The following PTPN21 variants were observed in gnomAD, a reference collection of about 807,000 sequenced individuals.
PTPN21 encodes protein tyrosine phosphatase non-receptor type 21, also known as tyrosine-protein phosphatase non-receptor type 21.
A neutral mutation model predicts 131.8 loss-of-function variants in PTPN21; 77 were observed. That is an observed-to-expected ratio of 0.58 (90% CI 0.49 to 0.71). The LOEUF is 0.71. Among genes scored for constraint, PTPN21 ranks in the 30% least tolerant of loss-of-function variants. The pLI is 0.00. For missense variants in PTPN21, 1,552 were observed against 1,527.1 expected (o/e 1.02, Z -0.27); for synonymous variants, 715 against 621.3 (o/e 1.15, Z -2.24).
chr14:88,482,221 G>A (rs1210819131), intron 12 of PTPN21, among the ~76,000 whole-genome samples: 1 of 152,214 alleles, frequency 6.6e-6, no homozygotes, highest in Non-Finnish European at 1.5e-5. Flanking sequence ...GCAAGCTGGG[G>A]TGGCTAGAGT....
At chr14:88,508,133 C>T in intron 3 of PTPN21, 113 bp from the exon 4 acceptor site, 1 of 546,744 alleles carries the variant, frequency 1.8e-6, no homozygotes, top group African/African-American at 2.0e-5. Flanking sequence ...AAACCTTAAT[C>T]CCACATGGTT....
intron 12 of PTPN21, among the ~76,000 whole-genome samples, chr14:88,482,455 T>A (rs2077665411): frequency 6.6e-6 from 1 of 151,926 alleles, no homozygotes; most frequent in Admixed American, 6.6e-5. Context: ...AGAGACCCCA[T>A]CTCTACTAAA....
In PTPN21 at chr14:88,479,185, A is replaced by C. The variant is rs2077595538; in HGVS notation, c.2246T>G (p.Val749Gly). The C allele has an allele frequency of 6.4e-7, 1 of 1,565,384 alleles. No homozygotes were observed. The highest frequency in any genetic ancestry group is 1.9e-5 in the Admixed American group (1 of 52,672). ...GATGTGCAGGGGCCCGGCGAGCAGGACGCGAGGGCAGCCAGGTGGGTCCTG... is the reference window on the plus strand; with the variant it reads ...GATGTGCAGGGGCCCGGCGAGCAGGCCGCGAGGGCAGCCAGGTGGGTCCTG... ...LAQDPPGCPR[V>G]LLAGPLHILE... Residue 749 changes from valine (V) to glycine (G), a missense_variant, in exon 13 of 19, where the codon GTC (valine) becomes GGC (glycine). This residue lies in a region of PTPN21 where 1,016 missense variants were observed against 883.5 expected (regional missense o/e 1.15). Transcript: ENST00000556564.
intron 1 of PTPN21, 72 bp from the exon 2 acceptor site, chr14:88,550,691 C>T: frequency 3.2e-6 from 1 of 316,968 alleles, no homozygotes. Context: ...AAAAGCCAGT[C>T]AAGCTGTGGC....
chr14:88,509,745 A>T (rs985637878), intron 3 of PTPN21, among the ~76,000 whole-genome samples: 3 of 152,126 alleles, frequency 2.0e-5, no homozygotes, highest in Non-Finnish European at 4.4e-5. Context: ...AATCAAAAAC[A>T]CTAGAAAGGG....
At chr14:88,518,873 T>A (rs1230867320) in intron 2 of PTPN21, among the ~76,000 whole-genome samples, 1 of 152,114 alleles carries the variant, frequency 6.6e-6, no homozygotes, top group Non-Finnish European at 1.5e-5. Flanking sequence ...TTTCTAGTAT[T>A]CAGATGCAAT....
chr14:88,490,958 A>T (rs971557134), intron 10 of PTPN21, among the ~76,000 whole-genome samples: 2 of 152,156 alleles, frequency 1.3e-5, no homozygotes, highest in African/African-American at 4.8e-5. Flanking sequence ...CCTTATATAA[A>T]TCAGGGAGGG....
chr14:88,486,619 C>T (rs559335930), intron 10 of PTPN21, among the ~76,000 whole-genome samples: 18 of 152,226 alleles, frequency 1.2e-4, no homozygotes, highest in African/African-American at 4.1e-4. Context: ...TTCAGTGAGC[C>T]GATGGTAAAC....
chr14:88,483,760 T>C (rs2077688899), intron 12 of PTPN21, among the ~76,000 whole-genome samples: 1 of 152,182 alleles, frequency 6.6e-6, no homozygotes, highest in Non-Finnish European at 1.5e-5. Context: ...AAAGTTCTTC[T>C]CAATCTCCCC....
rs373252467 is a variant in PTPN21, at chr14:88,479,180, G to A, written c.2251C>T (p.Leu751Phe). ...TCCAGGATGTGCAGGGGCCCGGCGAGCAGGACGCGAGGGCAGCCAGGTGGG... is the reference window on the plus strand; with the variant it reads ...TCCAGGATGTGCAGGGGCCCGGCGAACAGGACGCGAGGGCAGCCAGGTGGG... ...QDPPGCPRVL[L>F]AGPLHILEPK... Residue 751 changes from leucine (L) to phenylalanine (F), a missense_variant, in exon 13 of 19, where the codon CTC becomes TTC. This residue lies in a region of PTPN21 where 1,016 missense variants were observed against 883.5 expected (regional missense o/e 1.15). Transcript: ENST00000556564. 8 of 1,556,536 alleles carry A rather than the reference G, an allele frequency of 5.1e-6. No individual in the cohort carries two copies. Among genetic ancestry groups the A allele is most frequent in the African/African-American group, 4.1e-5 (3 of 72,538 alleles).
At chr14:88,502,907 T>C (rs1194508389) in intron 6 of PTPN21, among the ~76,000 whole-genome samples, 1 of 152,114 alleles carries the variant, frequency 6.6e-6, no homozygotes, top group Admixed American at 6.5e-5. Flanking sequence ...GATTAATCTT[T>C]TGTGAGTCAC....
chr14:88,520,985 G>A, intron 2 of PTPN21, among the ~76,000 whole-genome samples: 1 of 151,954 alleles, frequency 6.6e-6, no homozygotes, highest in South Asian at 2.1e-4. Context: ...CTAGACAACA[G>A]GTGCATGCCA....
Position 88,479,454 on chromosome 14 carries a change from C to T in PTPN21, c.1977G>A (p.Ala659=), listed in dbSNP as rs1427670523. 8 of 1,602,422 alleles carry T rather than the reference C, an allele frequency of 5.0e-6. No homozygotes were observed. The highest frequency in any genetic ancestry group is 1.7e-5 in the Admixed American group (1 of 59,658). The change falls in exon 13 of 19, where the codon GCG becomes GCA. Residue 659 remains alanine (A), a synonymous_variant. Transcript: ENST00000556564. ...CTCGCGGCGCCACCTCTGCCGCCGACGCGGATAGGGTGCGCTCCTTGAGCC... is the reference window on the plus strand; with the variant it reads ...CTCGCGGCGCCACCTCTGCCGCCGATGCGGATAGGGTGCGCTCCTTGAGCC... ...GLRLKERTLS[A]SAAEVAPRAV...
chr14:88,530,621 C>G (rs2078543183), intron 2 of PTPN21, among the ~76,000 whole-genome samples: 1 of 151,892 alleles, frequency 6.6e-6, no homozygotes, highest in Non-Finnish European at 1.5e-5. Context: ...AAACCAAAAG[C>G]AAGCAGGAGT....
At chr14:88,523,371 G>A (rs2078426334) in intron 2 of PTPN21, among the ~76,000 whole-genome samples, 1 of 151,966 alleles carries the variant, frequency 6.6e-6, no homozygotes, top group Non-Finnish European at 1.5e-5. Flanking sequence ...TGCAGGAAAA[G>A]CATTTGACAA....
rs972566326 is a variant in PTPN21, at chr14:88,467,964, A to G, written c.*173T>C. ...TTTCCCAGGTTAGAAACCCCTCTTC[A>G]GCCTGTGCTTCGCACGTTTCCTTCA... On this transcript the variant is annotated 3_prime_UTR_variant, in exon 19 of 19. Transcript: ENST00000556564. 16 of 865,374 alleles carry G rather than the reference A, an allele frequency of 1.8e-5. No individual in the cohort carries two copies. Among genetic ancestry groups the G allele is most frequent in the African/African-American group, 8.5e-5 (5 of 58,764 alleles). 53.6% of individuals were successfully genotyped at this position (865,374 alleles called of 1,614,324 possible).
intron 6 of PTPN21, 97 bp from the exon 7 acceptor site, chr14:88,501,465 CATT>C: frequency 9.8e-7 from 1 of 1,017,482 alleles, no homozygotes; most frequent in East Asian, 2.4e-5. Context: ...TAGCATAAGA[CATT>C]ATAAACATTT....
intron 2 of PTPN21, among the ~76,000 whole-genome samples, chr14:88,550,030 C>A (rs897085039): frequency 1.1e-4 from 17 of 152,134 alleles, no homozygotes; most frequent in African/African-American, 4.1e-4. Context: ...GTGATTCGCC[C>A]GCCTCGGCCT....
chr14:88,485,035 G>A, intron 12 of PTPN21, 41 bp downstream of exon 12: 9 of 1,492,726 alleles, frequency 6.0e-6, no homozygotes, highest in Non-Finnish European at 8.4e-6. Flanking sequence ...TTTATCCATA[G>A]TCATAACTAT....
Sources: gnomAD v4.1 joint callset for allele counts (sites outside exome capture counted in the v4.1 genomes callset) on GRCh38, gnomAD v4.1.1 for gene constraint, gnomAD v4.1.1 regional missense constraint, MANE v1.5 for transcripts, NCBI Gene and HGNC (gene_info 2026-07-23, HGNC 2026-07-21) for gene names.